NT5DC1: variants seen among roughly 807,000 people sequenced by gnomAD.
NT5DC1 encodes the protein 5'-nucleotidase domain containing 1.
NT5DC1 carries 42 observed loss-of-function variants against 59.4 expected under a neutral mutation model. The ratio of observed to expected loss-of-function variants is 0.71; its 90% confidence interval spans 0.55 to 0.92. The LOEUF is 0.92. Ranked by LOEUF, NT5DC1 falls within the 40% of genes least tolerant of loss-of-function variation. The probability of loss-of-function intolerance (pLI) is 0.00; values close to 1 mark genes in which losing one functional copy is unlikely to be tolerated. For synonymous variants in NT5DC1, 172 were observed against 188.1 expected (o/e 0.91, Z 0.70); for missense variants, 501 against 537.1 (o/e 0.93, Z 0.66).
In NT5DC1 at chr6:116,237,101, G is replaced by A. The variant is rs1164676489; in HGVS notation, c.921+17G>A. On this transcript the variant is annotated intron_variant, in intron 9 of 11. Transcript: ENST00000319550. ...GAACCCAAGGTATTTCCCAGTTGAG[G>A]AGAAGTCCTCAGTGCCCACTTGCAG... 6.9e-7 allele frequency: 1 copy of A among 1,458,218 alleles called. No individual in the cohort carries two copies. The highest frequency in any genetic ancestry group is 9.6e-7 in the Non-Finnish European group (1 of 1,037,988). The allele number at this position is 1,458,218 out of a possible 1,614,324, so 90.3% of individuals were successfully genotyped here.
chr6:116,172,612 G>A (rs1019387543), intron 6 of NT5DC1, among the ~76,000 whole-genome samples: 5 of 151,934 alleles, frequency 3.3e-5, no homozygotes, highest in African/African-American at 1.2e-4. Flanking sequence ...GAGCCACCGC[G>A]CCAGGCCACA....
At position 116,115,697 on chromosome 6, in the gene NT5DC1, ATTAC is replaced by A. The variant is rs1261856075; in HGVS notation, c.374_377del (p.Tyr125PhefsTer21). ...AAATTTTGTTCTTTTTTAGGAAAGT[ATTAC>A]TTTTACGACAACTACTTTGACCTGC... On this transcript the variant is annotated frameshift_variant, in exon 5 of 12. Coordinates refer to ENST00000319550, the MANE Select transcript of NT5DC1 (RefSeq NM_152729.3). LOFTEE classifies it high-confidence loss of function. The A allele has an allele frequency of 1.3e-6, 2 of 1,575,958 alleles. No individual in the cohort carries two copies. The highest frequency in any genetic ancestry group is 1.7e-6 in the Non-Finnish European group (2 of 1,145,590).
intron 6 of NT5DC1, chr6:116,145,419 G>T: frequency 5.7e-6 from 2 of 353,318 alleles, no homozygotes. Flanking sequence ...AACTTTTTCT[G>T]TTCTTTATTA....
At chr6:116,195,011 C>T (rs1285121180) in intron 6 of NT5DC1, among the ~76,000 whole-genome samples, 1 of 152,062 alleles carries the variant, frequency 6.6e-6, no homozygotes, top group African/African-American at 2.4e-5. Flanking sequence ...CTCACCTTCA[C>T]CTTCCTGCCA....
chr6:116,231,148 T>TCC (rs34977850), intron 8 of NT5DC1, among the ~76,000 whole-genome samples: 36,115 of 115,784 alleles, frequency 0.31, 7,466 homozygotes, highest in African/African-American at 0.6. Flanking sequence ...GAATGGTAAA[T>TCC]CCCCCCCCCA....
chr6:116,162,020 C>T (rs1220428168), intron 6 of NT5DC1, among the ~76,000 whole-genome samples: 1 of 151,802 alleles, frequency 6.6e-6, no homozygotes, highest in Non-Finnish European at 1.5e-5. Context: ...CCTAGATAGT[C>T]TATGTTTTTT....
intron 6 of NT5DC1, among the ~76,000 whole-genome samples, chr6:116,162,560 A>G (rs1280632290): frequency 6.6e-6 from 1 of 152,064 alleles, no homozygotes; most frequent in Non-Finnish European, 1.5e-5. Flanking sequence ...AATTCTGTTT[A>G]TGTGGTGAAT....
chr6:116,155,437 G>A (rs3763232), intron 6 of NT5DC1, among the ~76,000 whole-genome samples: 5,852 of 152,196 alleles, frequency 0.038, 175 homozygotes, highest in African/African-American at 0.08. Context: ...GGGTGCTCTA[G>A]AGGACCATTG....
intron 6 of NT5DC1, among the ~76,000 whole-genome samples, chr6:116,164,263 G>T (rs1023010738): frequency 1.3e-5 from 2 of 152,078 alleles, no homozygotes; most frequent in Admixed American, 1.3e-4. Context: ...AAATCTGGGT[G>T]CTCTGGTGTT....
rs1203695179 is a variant in NT5DC1 at position 116,247,452 on chromosome 6, G to C, written c.*3428G>C. 6.6e-6 allele frequency: 1 copy of C among 152,082 alleles called. No individual in the cohort carries two copies. 9.4% of individuals were successfully genotyped at this position (152,082 alleles called of 1,614,324 possible). On this transcript the variant is annotated 3_prime_UTR_variant, in exon 12 of 12. Coordinates refer to ENST00000319550, the MANE Select transcript of NT5DC1 (RefSeq NM_152729.3). ...GGTTAATGTTCACCTTGACTGCTTG[G>C]TAAATTTCCCTCACTGGTGCTGAAG... is the stretch of plus-strand genomic sequence containing the variant.
chr6:116,219,346 TTATA>T (rs1781747409), intron 6 of NT5DC1, among the ~76,000 whole-genome samples: 2 of 152,120 alleles, frequency 1.3e-5, no homozygotes, highest in South Asian at 4.1e-4. Flanking sequence ...ATTCCCCCCT[TTATA>T]GGTTTATTTT....
At chr6:116,190,206 C>T (rs1404774640) in intron 6 of NT5DC1, among the ~76,000 whole-genome samples, 2 of 151,974 alleles carry the variant, frequency 1.3e-5, no homozygotes, top group African/African-American at 4.8e-5. Context: ...CACCACACTT[C>T]TCAACCTTAG....
In NT5DC1 at chr6:116,247,622, GT is replaced by G. The variant is rs1396957330; in HGVS notation, c.*3599del. ...TAGACTGCTTGCCAATCAGTTTGTT[GT>G]ACCATGTACCTGTTCACAGACTCTT... On this transcript the variant is annotated 3_prime_UTR_variant, in exon 12 of 12. Coordinates refer to ENST00000319550, the MANE Select transcript of NT5DC1 (RefSeq NM_152729.3). 4 of 152,132 alleles carry G rather than the reference GT, an allele frequency of 2.6e-5. No homozygotes were observed. Among genetic ancestry groups the G allele is most frequent in the Non-Finnish European group, 4.4e-5 (3 of 68,004 alleles). 9.4% of individuals were successfully genotyped at this position (152,132 alleles called of 1,614,324 possible). A position where few individuals can be genotyped will look rare whatever the true frequency, so the allele number is the denominator to read the frequency against.
At chr6:116,122,341 C>T (rs952149695) in intron 6 of NT5DC1, among the ~76,000 whole-genome samples, 3 of 152,096 alleles carry the variant, frequency 2.0e-5, no homozygotes, top group African/African-American at 7.2e-5. Flanking sequence ...TGTTTAAGAA[C>T]TATAAAAATT....
At chr6:116,105,436 C>T (rs1778750023) in intron 1 of NT5DC1, among the ~76,000 whole-genome samples, 1 of 152,180 alleles carries the variant, frequency 6.6e-6, no homozygotes, top group African/African-American at 2.4e-5. Flanking sequence ...CTTTTGGACA[C>T]TGTGCAGGTT....
At chr6:116,118,182 T>G in intron 6 of NT5DC1, 1 of 489,408 alleles carries the variant, frequency 2.0e-6, no homozygotes, top group Admixed American at 3.6e-5. Flanking sequence ...TTACCACGCC[T>G]GCCACGAGGG....
At chr6:116,234,731 T>C (rs752408405) in intron 8 of NT5DC1, among the ~76,000 whole-genome samples, 4 of 152,224 alleles carry the variant, frequency 2.6e-5, no homozygotes, top group Non-Finnish European at 5.9e-5. Flanking sequence ...CTAAATAATG[T>C]AAAAAGTGTT....
chr6:116,222,634 C>T (rs991270618), intron 7 of NT5DC1, among the ~76,000 whole-genome samples: 1 of 152,154 alleles, frequency 6.6e-6, no homozygotes, highest in African/African-American at 2.4e-5. Flanking sequence ...TTCTGTGGGA[C>T]CCATGTAACA....
intron 6 of NT5DC1, chr6:116,125,836 T>A: frequency 4.7e-6 from 1 of 211,598 alleles, no homozygotes; most frequent in Non-Finnish European, 9.6e-6. Flanking sequence ...CAAAATACAC[T>A]GAAATTCGGA....
Sources: gnomAD v4.1 joint callset for allele counts (sites outside exome capture counted in the v4.1 genomes callset) on GRCh38, gnomAD v4.1.1 for gene constraint, MANE v1.5 for transcripts, NCBI Gene and HGNC (gene_info 2026-07-23, HGNC 2026-07-21) for gene names.